IGSF11: variants seen among roughly 807,000 people sequenced by gnomAD.
IGSF11 encodes the protein immunoglobulin superfamily member 11.
A neutral mutation model predicts 41.0 loss-of-function variants in IGSF11; 22 were observed. The observed-to-expected ratio is 0.54, with a 90% CI of 0.38 to 0.77. IGSF11 has a LOEUF of 0.77. IGSF11 is among the 30% of genes least tolerant of loss of function. The pLI, the probability that IGSF11 is intolerant of heterozygous loss-of-function variation, is 0.00. For missense variants in IGSF11, 444 were observed against 530.8 expected (o/e 0.84, Z 1.61); for synonymous variants, 219 against 201.3 (o/e 1.09, Z -0.74).
At chr3:119,043,785 G>T (rs373353853) in intron 1 of IGSF11, among the ~76,000 whole-genome samples, 2 of 152,096 alleles carry the variant, frequency 1.3e-5, no homozygotes, top group East Asian at 3.9e-4. Context: ...AGCCCCACTG[G>T]GTGGCTAGAT....
At chr3:119,124,515 G>T (rs1465256098) in intron 1 of IGSF11, among the ~76,000 whole-genome samples, 9 of 150,776 alleles carry the variant, frequency 6.0e-5, no homozygotes, top group African/African-American at 2.2e-4. Context: ...TTCGAGACCA[G>T]CCTGGCCAAC....
rs184874034 is a variant in IGSF11, at chr3:119,139,454, C to T, written c.-14+6359G>A. Among the ~76,000 whole-genome samples, 1,019 of 152,264 alleles carry T rather than the reference C, an allele frequency of 6.7e-3. 8 individuals are homozygous for T. The highest frequency in any genetic ancestry group is 9.7e-3 in the Non-Finnish European group (658 of 68,004). Reference sequence around the variant, plus strand: ...TACCCGGTGGGAAATAATTGAATCACAGGGGTGGATCTTTTCTGTGCTGTT... The same window carrying T: ...TACCCGGTGGGAAATAATTGAATCATAGGGGTGGATCTTTTCTGTGCTGTT... On this transcript the variant is annotated intron_variant, in intron 1 of 7. Transcript: ENST00000425327.
chr3:118,928,963 C>A (rs55922613), intron 2 of IGSF11, among the ~76,000 whole-genome samples: 2,772 of 152,150 alleles, frequency 0.018, 92 homozygotes, highest in African/African-American at 0.064. Flanking sequence ...TAAAAAAAGT[C>A]TTTGCTGCTG....
At chr3:118,967,569 A>C (rs1283054151) in intron 1 of IGSF11, among the ~76,000 whole-genome samples, 1 of 151,886 alleles carries the variant, frequency 6.6e-6, no homozygotes. Context: ...TCAAATTCCT[A>C]CTGACTTGTC....
chr3:118,986,683 G>A (rs970296926), intron 1 of IGSF11, among the ~76,000 whole-genome samples: 2 of 152,152 alleles, frequency 1.3e-5, no homozygotes, highest in African/African-American at 4.8e-5. Flanking sequence ...CAGCTTAGAG[G>A]GGATAGTAAA....
Position 119,042,083 on chromosome 3 carries a change from T to C in IGSF11, c.49+63061A>G, listed in dbSNP as rs188428323. Among the ~76,000 whole-genome samples, 15 of 152,352 alleles carry C rather than the reference T, an allele frequency of 9.8e-5. No homozygotes were observed. The East Asian group carries it at 2.9e-3, about 29-fold the overall frequency. ...TAATGCATCACACCAATTGGATTTATTTCATGAGAGTAATGTTTAATATTT... is the reference window on the plus strand; with the variant it reads ...TAATGCATCACACCAATTGGATTTACTTCATGAGAGTAATGTTTAATATTT... On this transcript the variant is annotated intron_variant, in intron 1 of 6. Transcript: ENST00000354673.
At chr3:118,940,644 C>G (rs988535182) in intron 1 of IGSF11, among the ~76,000 whole-genome samples, 1 of 151,972 alleles carries the variant, frequency 6.6e-6, no homozygotes, top group Non-Finnish European at 1.5e-5. Context: ...ATCAAATTTT[C>G]AGTGAGCTGT....
chr3:119,028,298 C>A (rs1940020149), intron 1 of IGSF11, among the ~76,000 whole-genome samples: 1 of 152,140 alleles, frequency 6.6e-6, no homozygotes, highest in South Asian at 2.1e-4. Context: ...CAGACAACTG[C>A]CAGTCTTGCC....
At chr3:118,912,661 G>T (rs1349883170) in intron 4 of IGSF11, among the ~76,000 whole-genome samples, 1 of 152,134 alleles carries the variant, frequency 6.6e-6, no homozygotes, top group Non-Finnish European at 1.5e-5. Context: ...TCACATGAGG[G>T]AAACAGGAAA....
chr3:119,030,050 T>C (rs191144505), intron 1 of IGSF11, among the ~76,000 whole-genome samples: 12 of 152,320 alleles, frequency 7.9e-5, no homozygotes, highest in African/African-American at 2.9e-4. Flanking sequence ...GGTATAAGAA[T>C]TTTCTGAACT....
intron 1 of IGSF11, among the ~76,000 whole-genome samples, chr3:119,100,193 A>C (rs2076918567): frequency 6.6e-6 from 1 of 152,264 alleles, no homozygotes; most frequent in South Asian, 2.1e-4. Flanking sequence ...TTCAAAGACA[A>C]ACTGAAAAAG....
At chr3:119,084,778 C>T (rs2076643362) in intron 1 of IGSF11, among the ~76,000 whole-genome samples, 1 of 152,200 alleles carries the variant, frequency 6.6e-6, no homozygotes, top group Middle Eastern at 3.2e-3. Flanking sequence ...CTTCATATCT[C>T]TCAGTGCACC....
intron 1 of IGSF11, among the ~76,000 whole-genome samples, chr3:118,937,788 TATGTAAC>T (rs1458867975): frequency 6.6e-6 from 1 of 152,212 alleles, no homozygotes; most frequent in Non-Finnish European, 1.5e-5. Context: ...TTACACAGTC[TATGTAAC>T]ATGTAATAGT....
intron 1 of IGSF11, among the ~76,000 whole-genome samples, chr3:118,985,833 T>G (rs1168640912): frequency 6.6e-6 from 1 of 152,170 alleles, no homozygotes; most frequent in Non-Finnish European, 1.5e-5. Context: ...CTATTCCTCC[T>G]TCTCCCTTGT....
intron 1 of IGSF11, among the ~76,000 whole-genome samples, chr3:118,988,154 A>G (rs1935437220): frequency 6.6e-6 from 1 of 152,214 alleles, no homozygotes; most frequent in African/African-American, 2.4e-5. Context: ...ATCTTTGAGG[A>G]AAGTACAGTA....
chr3:119,012,876 T>C (rs1012003021), intron 1 of IGSF11: 1 of 152,270 alleles, frequency 6.6e-6, no homozygotes, highest in Admixed American at 6.5e-5. Context: ...AAAAGCAAGT[T>C]TAAGCAAGTT....
chr3:119,007,320 G>A (rs1389871443), intron 1 of IGSF11, among the ~76,000 whole-genome samples: 1 of 139,660 alleles, frequency 7.2e-6, no homozygotes, highest in Non-Finnish European at 1.5e-5. Context: ...CCCTGCTTCG[G>A]CTCGCGCACG....
intron 1 of IGSF11, among the ~76,000 whole-genome samples, chr3:119,078,628 G>A (rs901869203): frequency 2.4e-4 from 37 of 152,122 alleles, no homozygotes; most frequent in African/African-American, 8.7e-4. Flanking sequence ...AGAAAATCTA[G>A]GAAATACCAT....
chr3:119,071,107 C>T (rs1184718833), intron 1 of IGSF11, among the ~76,000 whole-genome samples: 1 of 152,102 alleles, frequency 6.6e-6, no homozygotes, highest in Non-Finnish European at 1.5e-5. Context: ...TTCATGAGCA[C>T]ATGTGAAACA....
Sources: gnomAD v4.1 joint callset for allele counts (sites outside exome capture counted in the v4.1 genomes callset) on GRCh38, gnomAD v4.1.1 for gene constraint, MANE v1.5 for transcripts, NCBI Gene and HGNC (gene_info 2026-07-23, HGNC 2026-07-21) for gene names.